Variants in MRE11 observed in about 807,000 individuals in gnomAD.
The protein encoded by MRE11 is MRE11 double strand break repair nuclease, also known as double-strand break repair protein MRE11.
In MRE11, 62 loss-of-function variants were observed where a neutral mutation model predicts 91.7. The observed-to-expected ratio is 0.68, with a 90% CI of 0.55 to 0.84. The LOEUF (loss-of-function observed/expected upper bound fraction) is 0.84, where lower values mean the gene tolerates loss of function less well. Ranked by LOEUF, MRE11 falls within the 40% of genes least tolerant of loss-of-function variation. The probability of loss-of-function intolerance (pLI) is 0.00; values close to 1 mark genes in which losing one functional copy is unlikely to be tolerated. For synonymous variants in MRE11, 273 were observed against 271.4 expected (o/e 1.01, Z -0.06); for missense variants, 796 against 852.9 (o/e 0.93, Z 0.83).
At chr11:94,447,638 G>A (rs981688183) in intron 14 of MRE11, among the ~76,000 whole-genome samples, 200 bp from the exon 15 acceptor site, 1 of 147,170 alleles carries the variant, frequency 6.8e-6, no homozygotes, top group African/African-American at 2.5e-5. Context: ...AGACAAGCCT[G>A]GGCAACACAG....
chr11:94,500,558 A>G, the MRE11 span, among the ~76,000 whole-genome samples: 2 of 152,230 alleles, frequency 1.3e-5, no homozygotes, highest in African/African-American at 2.4e-5. Flanking sequence ...AAGTCTATAC[A>G]AAGACTTATT....
chr11:94,431,093 A>C (rs1238211006), intron 18 of MRE11, among the ~76,000 whole-genome samples: 1 of 152,214 alleles, frequency 6.6e-6, no homozygotes, highest in African/African-American at 2.4e-5. Context: ...CTTAGTCTAC[A>C]ATTTTATTAA....
At chr11:94,456,800 C>T (rs1351962254) in intron 13 of MRE11, among the ~76,000 whole-genome samples, 1 of 152,132 alleles carries the variant, frequency 6.6e-6, no homozygotes, top group African/African-American at 2.4e-5. Context: ...TATTAAGAGT[C>T]AACTCATGAA....
At chr11:94,479,992 T>G (rs543994482) in intron 4 of MRE11, among the ~76,000 whole-genome samples, 1 of 152,192 alleles carries the variant, frequency 6.6e-6, no homozygotes, top group East Asian at 1.9e-4. Context: ...TAATAAACAG[T>G]GCTTGTGGTA....
At chr11:94,468,874 G>A (rs1946637911) in intron 9 of MRE11, among the ~76,000 whole-genome samples, 1 of 152,092 alleles carries the variant, frequency 6.6e-6, no homozygotes, top group Non-Finnish European at 1.5e-5. Flanking sequence ...AGACAGCACA[G>A]AGAAAATCTA....
chr11:94,490,074 G>A (rs1320700533), intron 3 of MRE11, among the ~76,000 whole-genome samples: 1 of 152,102 alleles, frequency 6.6e-6, no homozygotes, highest in East Asian at 1.9e-4. Flanking sequence ...GCCTCTAACT[G>A]GTCTCCAATT....
the MRE11 span, among the ~76,000 whole-genome samples, chr11:94,504,856 A>C: frequency 1.3e-5 from 2 of 152,194 alleles, no homozygotes; most frequent in Non-Finnish European, 2.9e-5. Flanking sequence ...TTTATAAGAA[A>C]ACTTTAGTCT....
upstream of MRE11, chr11:94,498,042 G>A: frequency 6.6e-7 from 1 of 1,515,928 alleles, no homozygotes; most frequent in Non-Finnish European, 8.8e-7. Context: ...TTTGAGTTGA[G>A]TTGAAAGATT....
At chr11:94,492,739 A>C (rs1378402000) in intron 2 of MRE11, 43 bp downstream of exon 2, 1 of 1,612,590 alleles carries the variant, frequency 6.2e-7, no homozygotes, top group Non-Finnish European at 8.5e-7. Flanking sequence ...GACGAGCTTT[A>C]GAAACCCCAA....
chr11:94,419,465 GGAGAGA>G lies in MRE11; in HGVS notation c.*654_*659del, dbSNP rs201800515. The G allele has an allele frequency of 6.5e-4, 140 of 216,316 alleles. No individual in the cohort carries two copies. The highest frequency in any genetic ancestry group is 2.8e-3 in the Middle Eastern group (2 of 720). The allele number at this position is 216,316 out of a possible 1,614,324, so 13.4% of individuals were successfully genotyped here. On this transcript the variant is annotated 3_prime_UTR_variant, in exon 20 of 20. Coordinates refer to ENST00000323929, the MANE Select transcript of MRE11 (RefSeq NM_005591.4). ...GAAGAGTGGGGAACGGGGGGGAGAG[GGAGAGA>G]GAGAGAGAGAGAGAGAGAGAGAGAA...
chr11:94,459,445 C>T lies in MRE11; in HGVS notation c.1463G>A (p.Arg488His), dbSNP rs145377856. The change falls in exon 13 of 20, where the codon CGT (arginine) becomes CAT (histidine). Residue 488 changes from arginine (R) to histidine (H), a missense_variant. Physicochemically the swap from Arg to His is conservative, Grantham distance 29 (BLOSUM62 0). Coordinates refer to ENST00000323929, the MANE Select transcript of MRE11 (RefSeq NM_005591.4). ...LEKTQRFLKE[R>H]HIDALEDKID... The stretch of plus-strand genomic sequence containing the variant: ...TTTGTCTTCGAGGGCATCAATATGA[C>T]GTTCTTTAAGAAATCGCTGTGTTTT... The T allele has an allele frequency of 3.5e-5, 57 of 1,613,856 alleles. No individual in the cohort carries two copies. Among genetic ancestry groups the T allele is most frequent in the East Asian group, 1.6e-4 (7 of 44,864 alleles).
chr11:94,472,300 A>G (rs533845472), intron 7 of MRE11, among the ~76,000 whole-genome samples: 1 of 152,240 alleles, frequency 6.6e-6, no homozygotes, highest in Non-Finnish European at 1.5e-5. Context: ...TATATCAGTT[A>G]TTATTTAAAG....
At chr11:94,475,613 C>G (rs1041050686) in intron 7 of MRE11, 1 of 455,660 alleles carries the variant, frequency 2.2e-6, no homozygotes, top group African/African-American at 2.0e-5. Context: ...TCAATCAATC[C>G]TATACCCTGC....
chr11:94,429,796 A>G (rs1230522368), intron 19 of MRE11, 115 bp downstream of exon 19: 1 of 891,692 alleles, frequency 1.1e-6, no homozygotes, highest in Admixed American at 2.2e-5. Context: ...CTCCCTGAAC[A>G]TAAAAGATGA....
chr11:94,432,320 A>G (rs1291653158), intron 18 of MRE11, among the ~76,000 whole-genome samples: 1 of 152,060 alleles, frequency 6.6e-6, no homozygotes, highest in Non-Finnish European at 1.5e-5. Flanking sequence ...CTGCAACTCT[A>G]TACTCTCCCG....
intron 2 of MRE11, chr11:94,492,504 A>C: frequency 3.3e-6 from 2 of 605,312 alleles, no homozygotes; most frequent in South Asian, 4.3e-5. Context: ...AATATTTATC[A>C]CTTCAATAAT....
At chr11:94,478,482 T>C (rs1946928876) in intron 6 of MRE11, among the ~76,000 whole-genome samples, 1 of 152,178 alleles carries the variant, frequency 6.6e-6, no homozygotes, top group African/African-American at 2.4e-5. Context: ...AGTGCAGTTT[T>C]GCTAATTATT....
chr11:94,470,353 G>A, intron 9 of MRE11, 118 bp downstream of exon 9: 2 of 1,045,616 alleles, frequency 1.9e-6, no homozygotes, highest in Non-Finnish European at 2.8e-6. Context: ...TGTCCTTACA[G>A]GCTTCATGAG....
At chr11:94,471,171 C>A (rs1385901948) in intron 8 of MRE11, among the ~76,000 whole-genome samples, 2 of 152,032 alleles carry the variant, frequency 1.3e-5, no homozygotes, top group Non-Finnish European at 2.9e-5. Flanking sequence ...ACAATCATAT[C>A]ATTCCCCCAA....
Sources: allele counts gnomAD v4.1 joint callset (sites outside exome capture counted in the v4.1 genomes callset), GRCh38; gene constraint gnomAD v4.1.1; transcripts MANE v1.5; gene names NCBI Gene and HGNC (gene_info 2026-07-23, HGNC 2026-07-21).